The following CDH19 variants were observed in gnomAD, a reference collection of about 807,000 sequenced individuals.
CDH19 encodes the protein cadherin-19.
A neutral mutation model predicts 64.2 loss-of-function variants in CDH19; 67 were observed. That is an observed-to-expected ratio of 1.04 (90% CI 0.86 to 1.28). The LOEUF (loss-of-function observed/expected upper bound fraction) is 1.28, where lower values mean the gene tolerates loss of function less well. Among genes scored for constraint, CDH19 ranks in the 50% most tolerant of loss-of-function variants. The pLI is 0.00. For synonymous variants in CDH19, 346 were observed against 319.3 expected, an observed-to-expected ratio of 1.08 and a Z score of -0.89; for missense variants, 1,030 against 929.0, an observed-to-expected ratio of 1.11 and a Z score of -1.41.
chr18:66,578,833 C>T (rs1476133265), intron 1 of CDH19, among the ~76,000 whole-genome samples: 1 of 151,954 alleles, frequency 6.6e-6, no homozygotes, highest in East Asian at 1.9e-4. Flanking sequence ...AAGAAATGAA[C>T]TACTGATACA....
chr18:66,592,011 C>T (rs1013721036), intron 1 of CDH19, among the ~76,000 whole-genome samples: 1 of 151,846 alleles, frequency 6.6e-6, no homozygotes, highest in African/African-American at 2.4e-5. Flanking sequence ...TCGTTATGTT[C>T]CTTCTTTCCC....
At chr18:66,545,349 A>G (rs1416099582) in intron 5 of CDH19, among the ~76,000 whole-genome samples, 4 of 151,068 alleles carry the variant, frequency 2.6e-5, no homozygotes, top group Admixed American at 2.6e-4. Flanking sequence ...CTTGTTCTTA[A>G]TCTTTCTTTA....
At chr18:66,562,790 A>G (rs926536603) in intron 3 of CDH19, among the ~76,000 whole-genome samples, 3 of 152,160 alleles carry the variant, frequency 2.0e-5, no homozygotes, top group Admixed American at 1.3e-4. Flanking sequence ...TGTAATGTTT[A>G]AAGGTGCTAA....
chr18:66,505,780 G>C (rs915415265), intron 11 of CDH19, among the ~76,000 whole-genome samples: 1 of 151,218 alleles, frequency 6.6e-6, no homozygotes, highest in Admixed American at 6.6e-5. Context: ...AAAATTCTGT[G>C]GCATAATTAT....
In CDH19 at chr18:66,505,240, T is replaced by G. The variant is rs140246002; in HGVS notation, c.1891A>C (p.Ser631Arg). 8.1e-6 allele frequency: 13 copies of G among 1,599,498 alleles called. No individual in the cohort carries two copies. The highest frequency in any genetic ancestry group is 1.1e-5 in the Non-Finnish European group (13 of 1,175,714). ...RRKQILFPEKSEDFRENIFQY... is the reference protein window; with the variant it reads ...RRKQILFPEKREDFRENIFQY... ...AATATATTCTCTCTGAAATCTTCAC[T>G]TTTCTCAGGAAATAGAATCTGTTTT... The change falls in exon 12 of 12, where the codon AGT becomes CGT. Residue 631 changes from serine to arginine, a missense_variant. Physicochemically the swap from Ser to Arg is moderately radical, Grantham distance 110 (BLOSUM62 -1). Coordinates refer to ENST00000262150, the MANE Select transcript of CDH19 (RefSeq NM_021153.4).
chr18:66,519,866 G>C (rs1985903536), intron 9 of CDH19, among the ~76,000 whole-genome samples: 2 of 152,206 alleles, frequency 1.3e-5, no homozygotes, highest in East Asian at 3.9e-4. Flanking sequence ...GCTATCATTG[G>C]AAAGCTGTGT....
intron 7 of CDH19, among the ~76,000 whole-genome samples, chr18:66,537,848 T>C (rs1986734140): frequency 6.6e-6 from 1 of 152,076 alleles, no homozygotes; most frequent in African/African-American, 2.4e-5. Flanking sequence ...GCAGGAAATA[T>C]ATGTATGTAT....
intron 9 of CDH19, among the ~76,000 whole-genome samples, chr18:66,522,633 T>A (rs1986045354): frequency 6.6e-6 from 1 of 151,630 alleles, no homozygotes; most frequent in African/African-American, 2.4e-5. Flanking sequence ...ATCCTTTTTC[T>A]TTTAAATATA....
intron 7 of CDH19, among the ~76,000 whole-genome samples, chr18:66,538,889 A>G (rs183324665): frequency 1.3e-3 from 200 of 152,068 alleles, no homozygotes; most frequent in Non-Finnish European, 2.3e-3. Flanking sequence ...TTATAAGGAC[A>G]CCAGCCATTT....
chr18:66,554,208 G>T (rs1316536684), intron 4 of CDH19, among the ~76,000 whole-genome samples, 197 bp downstream of exon 4: 2 of 151,868 alleles, frequency 1.3e-5, no homozygotes, highest in African/African-American at 4.8e-5. Flanking sequence ...AGTAATTTGT[G>T]CTATGGACAT....
At chr18:66,601,050 A>G (rs1281841641) in intron 1 of CDH19, among the ~76,000 whole-genome samples, 1 of 151,816 alleles carries the variant, frequency 6.6e-6, no homozygotes, top group Admixed American at 6.6e-5. Flanking sequence ...TTGCTTAGTG[A>G]CAAATGACAC....
intron 9 of CDH19, among the ~76,000 whole-genome samples, chr18:66,517,191 A>T (rs1568174298): frequency 6.6e-6 from 1 of 152,082 alleles, no homozygotes; most frequent in Non-Finnish European, 1.5e-5. Flanking sequence ...TAATGAGTTC[A>T]GGAAACTTTT....
intron 9 of CDH19, among the ~76,000 whole-genome samples, chr18:66,514,589 G>A (rs1044998842): frequency 6.6e-6 from 1 of 151,266 alleles, no homozygotes; most frequent in Non-Finnish European, 1.5e-5. Flanking sequence ...TTAATATTTT[G>A]TAGATTAAAG....
intron 7 of CDH19, among the ~76,000 whole-genome samples, chr18:66,540,995 A>G (rs1339948205): frequency 3.9e-5 from 6 of 152,128 alleles, no homozygotes; most frequent in African/African-American, 1.4e-4. Flanking sequence ...CTATCATCTC[A>G]CTTTCAAGTC....
intron 1 of CDH19, among the ~76,000 whole-genome samples, chr18:66,597,995 A>G (rs908472553): frequency 1.8e-4 from 27 of 152,156 alleles, no homozygotes; most frequent in African/African-American, 6.5e-4. Flanking sequence ...TACATATGTA[A>G]CAAATCTGCA....
chr18:66,551,257 TC>T lies in CDH19; in HGVS notation c.611del (p.Gly204GlufsTer3). The T allele has an allele frequency of 3.7e-6, 5 of 1,357,520 alleles. No homozygotes were observed. Among genetic ancestry groups the T allele is most frequent in the Non-Finnish European group, 5.2e-6 (5 of 956,922 alleles). The allele number at this position is 1,357,520 out of a possible 1,614,324, so 84.1% of individuals were successfully genotyped here. ...CCATTTTAGAAGATATTCTTATGAC[TC>T]CTTTAAAAATATAATAAAATTCCAA... is the stretch of plus-strand genomic sequence containing the variant. The part of the protein sequence containing the change: ...QPYFSVEPTT[G>X]VIRISSKMDR... On this transcript the variant is annotated frameshift_variant and splice_region_variant, in exon 5 of 12. Transcript: ENST00000262150. LOFTEE classifies it high-confidence loss of function.
At chr18:66,530,718 T>A (rs1986409845) in intron 8 of CDH19, among the ~76,000 whole-genome samples, 1 of 152,154 alleles carries the variant, frequency 6.6e-6, no homozygotes, top group Admixed American at 6.5e-5. Context: ...CGATTTATCT[T>A]ATAGCAGACT....
chr18:66,522,649 T>A (rs931862176), intron 9 of CDH19, among the ~76,000 whole-genome samples: 6 of 151,424 alleles, frequency 4.0e-5, no homozygotes, highest in Non-Finnish European at 2.9e-5. Context: ...ATATAATATG[T>A]TTTATTATAT....
At chr18:66,603,102 CAT>C (rs1267245072) in intron 1 of CDH19, among the ~76,000 whole-genome samples, 1 of 150,596 alleles carries the variant, frequency 6.6e-6, no homozygotes, top group Non-Finnish European at 1.5e-5. Flanking sequence ...TATAAATTGA[CAT>C]AATCTAAAGA....
Sources: gnomAD v4.1 joint callset for allele counts (sites outside exome capture counted in the v4.1 genomes callset) on GRCh38, gnomAD v4.1.1 for gene constraint, MANE v1.5 for transcripts, NCBI Gene and HGNC (gene_info 2026-07-23, HGNC 2026-07-21) for gene names.